Variants in TACC2 observed in about 807,000 individuals in gnomAD.
TACC2 encodes the protein transforming acidic coiled-coil containing protein 2.
A neutral mutation model predicts 227.3 loss-of-function variants in TACC2; 137 were observed. The observed-to-expected ratio is 0.60, with a 90% confidence interval of 0.52 to 0.69. TACC2 has a LOEUF of 0.69. Among genes scored for constraint, TACC2 ranks in the 30% least tolerant of loss-of-function variants. The pLI, the probability that TACC2 is intolerant of heterozygous loss-of-function variation, is 0.00. For synonymous variants in TACC2, 1,523 were observed against 1,487.5 expected (o/e 1.02, Z -0.55); for missense variants, 3,470 against 3,694.4 (o/e 0.94, Z 1.57).
intron 1 of TACC2, among the ~76,000 whole-genome samples, chr10:121,990,856 C>T (rs1008005038): frequency 3.3e-5 from 5 of 152,134 alleles, no homozygotes; most frequent in Admixed American, 1.3e-4. Flanking sequence ...GTTGCCTTCT[C>T]GGCTCACTGC....
At chr10:122,196,868 G>A (rs183001714) in intron 8 of TACC2, among the ~76,000 whole-genome samples, 37 of 149,360 alleles carry the variant, frequency 2.5e-4, no homozygotes, top group African/African-American at 8.4e-4. Context: ...CCCAGGAGGC[G>A]GAGTTTGCAG....
Position 122,050,479 on chromosome 10 carries a change from C to A in TACC2, c.75C>A (p.Pro25=). The change falls in exon 3 of 23, where the codon CCC becomes CCA. Residue 25 remains proline (P), a synonymous_variant. Coordinates refer to ENST00000369005, the MANE Select transcript of TACC2 (RefSeq NM_206862.4). The surrounding 1 kb of genome is among the most constrained non-coding windows in gnomAD (Gnocchi z 4.6). ...AGACTCCAAGGTCCGCGCAGCCACC[C>A]GGGAACAGTCAGAATATAAAAAGGA... ...SAQTPRSAQP[P]GNSQNIKRKQ... 1 of 1,614,092 alleles carries A rather than the reference C, an allele frequency of 6.2e-7. No individual in the cohort carries two copies. The highest frequency in any genetic ancestry group is 1.1e-5 in the South Asian group (1 of 91,080).
chr10:122,153,388 A>G (rs1192549478), intron 7 of TACC2, among the ~76,000 whole-genome samples: 5 of 152,344 alleles, frequency 3.3e-5, no homozygotes, highest in Admixed American at 3.3e-4. Flanking sequence ...AGCCCAGCAA[A>G]GTCAGAACAC....
At chr10:122,192,752 G>A (rs1452500772) in intron 7 of TACC2, 1 of 456,612 alleles carries the variant, frequency 2.2e-6, no homozygotes, top group Non-Finnish European at 4.4e-6. Flanking sequence ...GTGACCAGCA[G>A]TGGGGACTCC....
In TACC2 at chr10:122,084,807, G is replaced by C. The variant is rs752182627; in HGVS notation, c.2307G>C (p.Ala769=). Residue 769 remains alanine (A), a synonymous_variant, in exon 4 of 23, where the codon GCG becomes GCC. Transcript: ENST00000369005. The part of the protein sequence containing the change: ...PDQPRGPACD[A]SRQEFHAGVP... The stretch of plus-strand genomic sequence containing the variant: ...AACCCCGCGGGCCGGCGTGTGATGC[G>C]TCGAGACAGGAATTTCATGCTGGGG... The C allele has an allele frequency of 1.2e-6, 2 of 1,613,692 alleles. No individual in the cohort carries two copies.
chr10:122,030,576 C>T (rs1015110491), intron 2 of TACC2, among the ~76,000 whole-genome samples: 2 of 152,094 alleles, frequency 1.3e-5, no homozygotes, highest in Non-Finnish European at 2.9e-5. Flanking sequence ...CATTTCTCAC[C>T]TCCTACCAGC....
intron 8 of TACC2, among the ~76,000 whole-genome samples, chr10:122,203,155 G>A (rs909590566): frequency 2.6e-5 from 4 of 152,210 alleles, no homozygotes; most frequent in Non-Finnish European, 5.9e-5. Context: ...ATCATGGCCC[G>A]TTCTCAACGA....
chr10:122,171,492 C>T (rs2093470517), intron 7 of TACC2, among the ~76,000 whole-genome samples: 2 of 152,242 alleles, frequency 1.3e-5, no homozygotes, highest in African/African-American at 4.8e-5. Context: ...TCCAGCTTCA[C>T]TTACTCCAAG....
Position 122,084,419 on chromosome 10 carries a change from G to A in TACC2, c.1919G>A (p.Gly640Asp). ...SHSAQPPRKG[G>D]AGHTDGPHSQ... ...TCAGCACAGCCACCCAGAAAGGGGG[G>A]TGCTGGGCACACGGACGGGCCCCAC... The change falls in exon 4 of 23, where the codon GGT (glycine) becomes GAT (aspartate). Residue 640 changes from glycine to aspartate, a missense_variant. Physicochemically the swap from Gly to Asp is moderately conservative, Grantham distance 94. Transcript: ENST00000369005. The A allele has an allele frequency of 5.0e-6, 8 of 1,613,008 alleles. No individual in the cohort carries two copies. Among genetic ancestry groups the A allele is most frequent in the Non-Finnish European group, 6.8e-6 (8 of 1,180,038 alleles).
At chr10:122,088,656 GT>G in intron 5 of TACC2, 65 bp downstream of exon 5, 1 of 1,571,940 alleles carries the variant, frequency 6.4e-7, no homozygotes, top group South Asian at 1.2e-5. Context: ...CACACTGGAT[GT>G]TTTGGAAAGG....
At chr10:122,014,778 T>C (rs754521585) in intron 1 of TACC2, among the ~76,000 whole-genome samples, 2 of 152,122 alleles carry the variant, frequency 1.3e-5, no homozygotes, top group Non-Finnish European at 2.9e-5. Context: ...TACCCATTTC[T>C]TCTAGGCTGC....
chr10:122,086,164 C>G lies in TACC2; in HGVS notation c.3664C>G (p.Leu1222Val). Residue 1222 changes from leucine (L) to valine (V), a missense_variant, in exon 4 of 23, where the codon CTC becomes GTC. This residue lies in a region of TACC2 where 1,924 missense variants were observed against 1,978.3 expected (regional missense o/e 0.97). Transcript: ENST00000369005. The part of the protein sequence containing the change: ...THQAVPDPKE[L>V]LLSGPPEVAA... ...CCAGGCTGTCCCAGACCCAAAGGAGCTCCTGCTGTCTGGGCCACCAGAAGT... is the reference window on the plus strand; with the variant it reads ...CCAGGCTGTCCCAGACCCAAAGGAGGTCCTGCTGTCTGGGCCACCAGAAGT... 1.2e-6 allele frequency: 2 copies of G among 1,613,744 alleles called. No individual in the cohort carries two copies. Among genetic ancestry groups the G allele is most frequent in the Non-Finnish European group, 1.7e-6 (2 of 1,179,988 alleles).
rs1303801895 is a variant in TACC2, at chr10:122,226,378, G to A, written c.7621G>A (p.Ala2541Thr). 1 of 1,613,834 alleles carries A rather than the reference G, an allele frequency of 6.2e-7. No individual in the cohort carries two copies. Among genetic ancestry groups the A allele is most frequent in the East Asian group, 2.2e-5 (1 of 44,866 alleles). ...IGSSLPQDDD[A>T]PKKQALYLMF... Reference sequence around the variant, plus strand: ...TTGATCCCTGCAGCAGGACGACGATGCCCCGAAGAAGCAGGCCTTGTACCT... The same window carrying A: ...TTGATCCCTGCAGCAGGACGACGATACCCCGAAGAAGCAGGCCTTGTACCT... Residue 2541 changes from alanine (A) to threonine (T), a missense_variant, in exon 13 of 23, where the codon GCC becomes ACC. Ala to Thr is a moderately conservative substitution (Grantham distance 58). Coordinates refer to ENST00000369005, the MANE Select transcript of TACC2 (RefSeq NM_206862.4).
At position 122,134,784 on chromosome 10, in the gene TACC2, G is replaced by A. The variant is rs890490224; in HGVS notation, c.5699+2050G>A. ...CCCATCTTACAGTCGGGGGATGCGG[G>A]GGCACGAGGAAGCTCTGAGGAGAGG... On this transcript the variant is annotated intron_variant, in intron 6 of 22. Coordinates refer to ENST00000369005, the MANE Select transcript of TACC2 (RefSeq NM_206862.4). Among the ~76,000 whole-genome samples the A allele has an allele frequency of 1.2e-4, 18 of 152,320 alleles. No homozygotes were observed. In the East Asian group the frequency reaches 1.4e-3, roughly 11 times the overall value.
At chr10:122,118,261 C>T (rs947631637) in intron 5 of TACC2, among the ~76,000 whole-genome samples, 18 of 152,244 alleles carry the variant, frequency 1.2e-4, no homozygotes, top group African/African-American at 3.1e-4. Flanking sequence ...GCCATCCGGC[C>T]GCCTCGGCCT....
At chr10:122,067,910 A>G (rs1030044460) in intron 3 of TACC2, among the ~76,000 whole-genome samples, 1 of 152,170 alleles carries the variant, frequency 6.6e-6, no homozygotes, top group Admixed American at 6.5e-5. Flanking sequence ...AGTTCTTCAA[A>G]TATTTTGTAT....
At chr10:122,120,831 G>C (rs2085625775) in intron 5 of TACC2, among the ~76,000 whole-genome samples, 1 of 151,956 alleles carries the variant, frequency 6.6e-6, no homozygotes, top group Non-Finnish European at 1.5e-5. Flanking sequence ...CGCGATCTCA[G>C]CTCAGCTCAC....
At chr10:122,146,207 G>A (rs148503911) in intron 7 of TACC2, among the ~76,000 whole-genome samples, 2 of 152,210 alleles carry the variant, frequency 1.3e-5, no homozygotes, top group South Asian at 2.1e-4. Context: ...GGGCTGGGCC[G>A]GAGGTTGCTG....
At position 122,082,983 on chromosome 10, in the gene TACC2, T is replaced by A. The variant is rs41288000; in HGVS notation, c.483T>A (p.Ser161=). Residue 161 remains serine, a synonymous_variant, in exon 4 of 23, where the codon TCT becomes TCA. Transcript: ENST00000369005. ...AAAFPAERDS[S]TPYQEIAAVP... is the part of the protein sequence containing the mutation. Reference sequence around the variant, plus strand: ...CATTTCCCGCTGAGAGGGACAGCTCTACTCCATACCAAGAGATTGCTGCCG... The same window carrying A: ...CATTTCCCGCTGAGAGGGACAGCTCAACTCCATACCAAGAGATTGCTGCCG... 0.015 allele frequency: 24,995 copies of A among 1,612,858 alleles called. 243 individuals are homozygous for A. The highest frequency in any genetic ancestry group is 0.018 in the Non-Finnish European group (20,981 of 1,179,994).
Sources: allele counts gnomAD v4.1 joint callset (sites outside exome capture counted in the v4.1 genomes callset), GRCh38; gene constraint gnomAD v4.1.1; regional missense constraint gnomAD v4.1.1; non-coding constraint Gnocchi (gnomAD v3.1); transcripts MANE v1.5; gene names NCBI Gene and HGNC (gene_info 2026-07-23, HGNC 2026-07-21).